Variants in XYLT1 observed in about 807,000 individuals in gnomAD.
The protein encoded by XYLT1 is beta-D-xylosyltransferase 1.
A neutral mutation model predicts 91.3 loss-of-function variants in XYLT1; 36 were observed. The ratio of observed to expected loss-of-function variants is 0.39; its 90% CI spans 0.30 to 0.52. The LOEUF (loss-of-function observed/expected upper bound fraction) is 0.52, where lower values mean the gene tolerates loss of function less well. XYLT1 is among the 20% of genes least tolerant of loss of function. XYLT1 has a pLI of 0.68. For missense variants in XYLT1, 1,242 were observed against 1,284.5 expected (o/e 0.97, Z 0.51); for synonymous variants, 588 against 532.0 (o/e 1.11, Z -1.45).
chr16:17,177,481 C>T (rs2031971337), intron 5 of XYLT1, among the ~76,000 whole-genome samples: 1 of 152,172 alleles, frequency 6.6e-6, no homozygotes, highest in African/African-American at 2.4e-5. Flanking sequence ...TCCTCAAAGG[C>T]AGCGATGTTA....
rs761379832 is a variant in XYLT1, at chr16:17,134,465, G to T, written c.2027+8C>A. 2 of 1,613,750 alleles carry T rather than the reference G, an allele frequency of 1.2e-6. No homozygotes were observed. Among genetic ancestry groups the T allele is most frequent in the Non-Finnish European group, 8.5e-7 (1 of 1,179,962 alleles). On this transcript the variant is annotated splice_region_variant and intron_variant, in intron 9 of 11. Coordinates refer to ENST00000261381, the MANE Select transcript of XYLT1 (RefSeq NM_022166.4). Reference sequence around the variant, plus strand: ...AGCTCTCCTCTCTGCATCCCATATAGGGCTCACCGGCAGCTGTTCTCCCCA... The same window carrying T: ...AGCTCTCCTCTCTGCATCCCATATATGGCTCACCGGCAGCTGTTCTCCCCA...
intron 1 of XYLT1, among the ~76,000 whole-genome samples, chr16:17,399,021 C>A (rs1270850707): frequency 6.6e-6 from 1 of 151,794 alleles, no homozygotes; most frequent in Non-Finnish European, 1.5e-5. Context: ...ATTAAAATGC[C>A]CCCTTTTTAT....
chr16:17,226,822 C>T (rs1163381144), intron 3 of XYLT1, among the ~76,000 whole-genome samples: 1 of 151,976 alleles, frequency 6.6e-6, no homozygotes, highest in African/African-American at 2.4e-5. Flanking sequence ...GCCAAATGTC[C>T]CTGGAAAAAA....
At chr16:17,316,334 C>T (rs546424078) in intron 2 of XYLT1, among the ~76,000 whole-genome samples, 7 of 152,106 alleles carry the variant, frequency 4.6e-5, no homozygotes, top group Non-Finnish European at 1.0e-4. Context: ...CATGCCTCCC[C>T]CTCCATGCAG....
At chr16:17,184,728 C>T (rs1038252806) in intron 5 of XYLT1, among the ~76,000 whole-genome samples, 23 of 152,160 alleles carry the variant, frequency 1.5e-4, no homozygotes, top group Non-Finnish European at 4.4e-5. Flanking sequence ...TAATATCTAG[C>T]AGAATCTCAA....
intron 2 of XYLT1, among the ~76,000 whole-genome samples, chr16:17,316,923 C>T (rs929961261): frequency 3.3e-5 from 5 of 150,430 alleles, no homozygotes; most frequent in East Asian, 2.0e-4. Flanking sequence ...CTGGGGTTCA[C>T]GCCATTATCC....
intron 2 of XYLT1, among the ~76,000 whole-genome samples, chr16:17,298,226 G>T (rs1456591797): frequency 6.6e-6 from 1 of 152,052 alleles, no homozygotes; most frequent in African/African-American, 2.4e-5. Context: ...ATGAGGAGAC[G>T]GATGGTGTCA....
intron 2 of XYLT1, among the ~76,000 whole-genome samples, chr16:17,261,774 T>C (rs1596454755): frequency 6.6e-6 from 1 of 151,868 alleles, no homozygotes; most frequent in South Asian, 2.1e-4. Flanking sequence ...GGTAACAAGG[T>C]AGGAAGAAGG....
At chr16:17,128,251 T>TTTGCATAAATACTAC (rs1212121357) in intron 9 of XYLT1, among the ~76,000 whole-genome samples, 1 of 152,166 alleles carries the variant, frequency 6.6e-6, no homozygotes, top group African/African-American at 2.4e-5. Context: ...ATAAATACTA[T>TTTGCATAAATACTAC]TTGCATAAAT....
intron 1 of XYLT1, among the ~76,000 whole-genome samples, chr16:17,445,565 G>A (rs533939285): frequency 1.3e-5 from 2 of 152,304 alleles, no homozygotes; most frequent in Admixed American, 1.3e-4. Context: ...TGGAGGCCTG[G>A]GCTGGGCTCT....
intron 1 of XYLT1, among the ~76,000 whole-genome samples, chr16:17,397,299 C>A (rs2141897539): frequency 6.6e-6 from 1 of 152,280 alleles, no homozygotes; most frequent in East Asian, 1.9e-4. Flanking sequence ...TGAATCAAAT[C>A]CTACAGCAGG....
chr16:17,452,307 T>G (rs1219941983), intron 1 of XYLT1, among the ~76,000 whole-genome samples: 1 of 63,216 alleles, frequency 1.6e-5, no homozygotes, highest in Non-Finnish European at 2.9e-5. Flanking sequence ...GTTTTTTTCT[T>G]TTTTTTTTTT....
chr16:17,457,357 C>T (rs2036758129), intron 1 of XYLT1, among the ~76,000 whole-genome samples: 1 of 152,188 alleles, frequency 6.6e-6, no homozygotes, highest in Non-Finnish European at 1.5e-5. Context: ...TATCTGCCTG[C>T]TCACTCCAAT....
At position 17,337,774 on chromosome 16, in the gene XYLT1, TC is replaced by T. The variant is rs1405092904; in HGVS notation, c.402+20237del. ...CCTACTTTGTCTGTTCCACATTTTTTCTTTTTCTTTTTTTTTTTTTTTGTGA... is the reference window on the plus strand; with the variant it reads ...CCTACTTTGTCTGTTCCACATTTTTTTTTTTCTTTTTTTTTTTTTTTGTGA... On this transcript the variant is annotated intron_variant, in intron 2 of 11. Transcript: ENST00000261381. 2.0e-3 allele frequency among the ~76,000 whole-genome samples: 222 copies of T among 110,608 alleles called. 2 individuals carry two copies. The highest frequency in any genetic ancestry group is 8.4e-3 in the African/African-American group (191 of 22,810). 72.6% of individuals were successfully genotyped at this position (110,608 alleles called of 152,430 possible). A position where few individuals can be genotyped will look rare whatever the true frequency, so the allele number is the denominator to read the frequency against.
chr16:17,229,267 G>T (rs1026937227), intron 3 of XYLT1, among the ~76,000 whole-genome samples: 2 of 152,186 alleles, frequency 1.3e-5, no homozygotes, highest in African/African-American at 4.8e-5. Flanking sequence ...CTGAACTGTA[G>T]CCCGGGCCAG....
At chr16:17,346,738 G>T (rs2035149203) in intron 2 of XYLT1, among the ~76,000 whole-genome samples, 1 of 152,112 alleles carries the variant, frequency 6.6e-6, no homozygotes, top group Non-Finnish European at 1.5e-5. Flanking sequence ...ATCTGACCAA[G>T]AACTCTCTTT....
At chr16:17,219,505 C>T (rs1242168181) in intron 3 of XYLT1, among the ~76,000 whole-genome samples, 1 of 152,140 alleles carries the variant, frequency 6.6e-6, no homozygotes, top group African/African-American at 2.4e-5. Flanking sequence ...TTAATCGAGT[C>T]AAGTTCCCTA....
chr16:17,125,218 A>T (rs2030217044), intron 10 of XYLT1, among the ~76,000 whole-genome samples: 1 of 152,134 alleles, frequency 6.6e-6, no homozygotes. Context: ...ACCTCCTTCA[A>T]AGGCTCTATG....
rs2036457495 is a variant in XYLT1, at chr16:17,436,227, TACTC to T, written c.363+34203_363+34206del. 2.6e-5 allele frequency among the ~76,000 whole-genome samples: 4 copies of T among 152,162 alleles called. No individual in the cohort carries two copies. In the South Asian group the frequency reaches 8.3e-4, roughly 32 times the overall value. ...AATTAAATCTCTTTCCTTTATAAATTACTCAGTCTCGGGTATGTCTTTATTAGCA... is the reference window on the plus strand; with the variant it reads ...AATTAAATCTCTTTCCTTTATAAATTAGTCTCGGGTATGTCTTTATTAGCA... On this transcript the variant is annotated intron_variant, in intron 1 of 11. Transcript: ENST00000261381.
Sources: allele counts gnomAD v4.1 joint callset (sites outside exome capture counted in the v4.1 genomes callset), GRCh38; gene constraint gnomAD v4.1.1; transcripts MANE v1.5; gene names NCBI Gene and HGNC (gene_info 2026-07-23, HGNC 2026-07-21).